The following TCF20 variants were observed in gnomAD, a reference collection of about 807,000 sequenced individuals.
TCF20 encodes the protein SPRE-binding protein.
TCF20 carries 3 observed loss-of-function variants against 148.6 expected under a neutral mutation model. That is an observed-to-expected ratio of 0.02 (90% CI 0.01 to 0.05). The LOEUF (loss-of-function observed/expected upper bound fraction) is 0.05. TCF20 is among the 10% of genes least tolerant of loss of function. The pLI, the probability that TCF20 is intolerant of heterozygous loss-of-function variation, is 1.00. For missense variants in TCF20, 2,350 were observed against 2,429.3 expected, an observed-to-expected ratio of 0.97 and a Z score of 0.69; for synonymous variants, 1,049 against 909.5, an observed-to-expected ratio of 1.15 and a Z score of -2.76.
upstream of TCF20, among the ~76,000 whole-genome samples, chr22:42,286,130 G>A (rs774991360): frequency 1.8e-4 from 27 of 152,194 alleles, no homozygotes; most frequent in Admixed American, 4.6e-4. Context: ...CGTAACAGCA[G>A]TGTCCCTTCA....
chr22:42,274,037 T>A, upstream of TCF20: 1 of 152,702 alleles, frequency 6.5e-6, no homozygotes, highest in East Asian at 1.9e-4. Context: ...CCAGCTCTCG[T>A]GAGCAGACAC....
chr22:42,195,308 C>T (rs1380228768), intron 2 of TCF20, among the ~76,000 whole-genome samples: 1 of 151,592 alleles, frequency 6.6e-6, no homozygotes, highest in Non-Finnish European at 1.5e-5. Flanking sequence ...CTCTGCCTTA[C>T]AAAGAACCAC....
chr22:42,272,318 T>C (rs1399651450), upstream of TCF20, among the ~76,000 whole-genome samples: 1 of 152,190 alleles, frequency 6.6e-6, no homozygotes, highest in Non-Finnish European at 1.5e-5. Flanking sequence ...CAAATCAATG[T>C]TTTCTGGACA....
At chr22:42,243,650 T>A (rs983313763) in intron 1 of TCF20, among the ~76,000 whole-genome samples, 1 of 151,988 alleles carries the variant, frequency 6.6e-6, no homozygotes, top group Non-Finnish European at 1.5e-5. Context: ...GAGTTAATAA[T>A]AAAATATCAA....
intron 2 of TCF20, among the ~76,000 whole-genome samples, chr22:42,198,969 C>T (rs1454104652): frequency 6.6e-6 from 1 of 151,996 alleles, no homozygotes; most frequent in South Asian, 2.1e-4. Flanking sequence ...CCTGCCCCCT[C>T]CAAATATTTC....
chr22:42,331,204 C>G (rs1422365845), intron 1 of TCF20, among the ~76,000 whole-genome samples: 1 of 152,334 alleles, frequency 6.6e-6, no homozygotes, highest in Admixed American at 6.5e-5. Context: ...CTGAACTAAT[C>G]AAACCCGGCC....
At chr22:42,242,202 CAAAAAAAAAA>C (rs151190006) in intron 1 of TCF20, among the ~76,000 whole-genome samples, 1 of 59,800 alleles carries the variant, frequency 1.7e-5, no homozygotes, top group Non-Finnish European at 2.8e-5. Context: ...GACTTCGCCT[CAAAAAAAAAA>C]AAAAAAAAAA....
upstream of TCF20, chr22:42,273,951 C>G (rs753800790): frequency 6.5e-6 from 1 of 152,698 alleles, no homozygotes; most frequent in African/African-American, 2.4e-5. Context: ...TGGCCCTGCT[C>G]GGCAGATCAG....
intron 1 of TCF20, among the ~76,000 whole-genome samples, chr22:42,243,611 CA>C (rs1569180650): frequency 6.6e-6 from 1 of 151,464 alleles, no homozygotes; most frequent in Non-Finnish European, 1.5e-5. Context: ...CAAAAACAAA[CA>C]AAAAAAGGTC....
intron 3 of TCF20, among the ~76,000 whole-genome samples, chr22:42,171,515 A>G (rs999021004): frequency 6.6e-6 from 1 of 152,194 alleles, no homozygotes; most frequent in African/African-American, 2.4e-5. Context: ...ATGAGTATCT[A>G]AGAGAGTGGG....
chr22:42,338,719 T>C lies in TCF20; in HGVS notation c.-37+4760A>G, dbSNP rs1462010867. 1.3e-5 allele frequency among the ~76,000 whole-genome samples: 2 copies of C among 152,192 alleles called. No individual in the cohort carries two copies. Among genetic ancestry groups the C allele is most frequent in the Non-Finnish European group, 2.9e-5 (2 of 68,032 alleles). ...TGGGCACGGCACGAGGCGGCAACAA[T>C]AGGCACCTCTTCATCATCTGCCTCT... On this transcript the variant is annotated intron_variant, in intron 1 of 1. Transcript: ENST00000515426. The surrounding 1 kb of genome is among the most constrained non-coding windows in gnomAD (Gnocchi z 4.0).
At chr22:42,250,446 CAAA>C (rs35668152) in intron 1 of TCF20, among the ~76,000 whole-genome samples, 13 of 76,272 alleles carry the variant, frequency 1.7e-4, no homozygotes, top group African/African-American at 3.9e-4. Flanking sequence ...AACTCCATCT[CAAA>C]AAAAAAAAAA....
intron 5 of TCF20, among the ~76,000 whole-genome samples, chr22:42,167,294 G>A (rs2147048388): frequency 6.6e-6 from 1 of 152,304 alleles, no homozygotes; most frequent in African/African-American, 2.4e-5. Context: ...CAGCCGAGGG[G>A]CCTTCTCCGG....
In TCF20 at chr22:42,247,526, G is replaced by A. The variant is rs73887977; in HGVS notation, c.-37+22813C>T. ...AAATAAAGGCACCTCTGGGGACACCGAGCTGCAGCAGAGGATACAACTGGG... is the reference window on the plus strand; with the variant it reads ...AAATAAAGGCACCTCTGGGGACACCAAGCTGCAGCAGAGGATACAACTGGG... On this transcript the variant is annotated intron_variant, in intron 1 of 5. Transcript: ENST00000677622. Among the ~76,000 whole-genome samples the A allele has an allele frequency of 9.3e-3, 1,407 of 151,958 alleles. 14 individuals are homozygous for A. Among genetic ancestry groups the A allele is most frequent in the African/African-American group, 0.033 (1,360 of 41,398 alleles).
chr22:42,301,797 G>A (rs1323196680), intron 1 of TCF20, among the ~76,000 whole-genome samples: 1 of 152,226 alleles, frequency 6.6e-6, no homozygotes, highest in African/African-American at 2.4e-5. Flanking sequence ...GGCAAAACCC[G>A]AGCAGATGGG....
chr22:42,296,663 G>A (rs1266182684), intron 1 of TCF20, among the ~76,000 whole-genome samples: 1 of 152,212 alleles, frequency 6.6e-6, no homozygotes, highest in Non-Finnish European at 1.5e-5. Context: ...GCAGGGCTGA[G>A]ACCCCCACCC....
At chr22:42,327,535 C>T (rs889259359) in intron 1 of TCF20, among the ~76,000 whole-genome samples, 17 of 152,212 alleles carry the variant, frequency 1.1e-4, no homozygotes, top group South Asian at 1.0e-3. Context: ...GCGGAAGCTT[C>T]GGGCCAGGGC....
Position 42,211,044 on chromosome 22 carries a change from T to A in TCF20, c.4262A>T (p.Asn1421Ile). ...EVASDLVSPA[N>I]QELHVEKPLP... The stretch of plus-strand genomic sequence containing the variant: ...AGGTTTCTCTACGTGCAACTCCTGG[T>A]TTGCTGGACTGACTAGGTCCGAAGC... The change falls in exon 2 of 6, where the codon AAC (asparagine) becomes ATC (isoleucine). Residue 1421 changes from asparagine (N) to isoleucine (I), a missense_variant. Around this residue, in one of 7 missense-constraint regions of TCF20, gnomAD observed 231 missense variants for 213.7 expected, o/e 1.08. Coordinates refer to ENST00000677622, the MANE Select transcript of TCF20 (RefSeq NM_001378418.1). The A allele has an allele frequency of 6.2e-7, 1 of 1,614,168 alleles. No homozygotes were observed. The highest frequency in any genetic ancestry group is 8.5e-7 in the Non-Finnish European group (1 of 1,180,032).
chr22:42,280,563 G>C (rs1038853597), intron 1 of TCF20, among the ~76,000 whole-genome samples: 1 of 152,212 alleles, frequency 6.6e-6, no homozygotes, highest in Non-Finnish European at 1.5e-5. Context: ...GGCTCAGGGT[G>C]GGGAGAGACT....
Sources: gnomAD v4.1 joint callset for allele counts (sites outside exome capture counted in the v4.1 genomes callset) on GRCh38, gnomAD v4.1.1 for gene constraint, gnomAD v4.1.1 regional missense constraint, Gnocchi (gnomAD v3.1) non-coding constraint, MANE v1.5 for transcripts, NCBI Gene and HGNC (gene_info 2026-07-23, HGNC 2026-07-21) for gene names.